LRP6: variants seen among roughly 807,000 people sequenced by gnomAD.
LRP6 encodes low-density lipoprotein receptor-related protein 6.
A neutral mutation model predicts 184.1 loss-of-function variants in LRP6; 43 were observed. The observed-to-expected ratio is 0.23, with a 90% CI of 0.18 to 0.30. The LOEUF is 0.30. Among genes scored for constraint, LRP6 ranks in the 10% least tolerant of loss-of-function variants. LRP6 has a pLI of 1.00. For synonymous variants in LRP6, 719 were observed against 684.9 expected (o/e 1.05, Z -0.78); for missense variants, 1,571 against 2,005.3 (o/e 0.78, Z 4.14).
intron 2 of LRP6, among the ~76,000 whole-genome samples, chr12:12,242,618 C>T (rs929760636): frequency 6.6e-6 from 1 of 152,202 alleles, no homozygotes; most frequent in Non-Finnish European, 1.5e-5. Flanking sequence ...TTCTCAACAA[C>T]CAAATTCTTT....
intron 15 of LRP6, among the ~76,000 whole-genome samples, chr12:12,139,727 A>G (rs1285589213): frequency 6.6e-6 from 1 of 152,148 alleles, no homozygotes; most frequent in Non-Finnish European, 1.5e-5. Flanking sequence ...CTCAGGAAAA[A>G]AAAAAGAAAG....
intron 1 of LRP6, among the ~76,000 whole-genome samples, chr12:12,249,671 AGAAGGAAGGAAG>A (rs3053796): frequency 0.15 from 20,666 of 141,364 alleles, 1,659 homozygotes; most frequent in Admixed American, 0.18. Flanking sequence ...GTGCTATAAC[AGAAGGAAGGAAG>A]GAAGGAAGGA....
intron 2 of LRP6, among the ~76,000 whole-genome samples, chr12:12,242,698 T>C (rs1254606372): frequency 2.6e-5 from 4 of 152,234 alleles, no homozygotes; most frequent in African/African-American, 9.6e-5. Context: ...TCAGAGCCAC[T>C]ACAATATTTC....
At chr12:12,230,468 A>T (rs1445262360) in intron 2 of LRP6, among the ~76,000 whole-genome samples, 2 of 152,214 alleles carry the variant, frequency 1.3e-5, no homozygotes, top group Non-Finnish European at 2.9e-5. Flanking sequence ...ATGTAATTAC[A>T]TACACAGGTG....
At chr12:12,121,707 A>C (rs1322976203) in intron 22 of LRP6, among the ~76,000 whole-genome samples, 2 of 152,144 alleles carry the variant, frequency 1.3e-5, no homozygotes, top group Non-Finnish European at 2.9e-5. Context: ...TTCAAGTTAA[A>C]CTGTATCACA....
intron 2 of LRP6, among the ~76,000 whole-genome samples, chr12:12,212,515 C>T (rs1267513004): frequency 1.3e-5 from 2 of 152,048 alleles, no homozygotes; most frequent in Admixed American, 1.3e-4. Context: ...ATAGTGCATC[C>T]CCACCGCCCC....
intron 22 of LRP6, among the ~76,000 whole-genome samples, chr12:12,124,350 G>A (rs533650920): frequency 1.3e-5 from 2 of 152,192 alleles, no homozygotes; most frequent in East Asian, 3.9e-4. Flanking sequence ...TCCAGCCTGG[G>A]CAACAAGAGC....
intron 18 of LRP6, among the ~76,000 whole-genome samples, chr12:12,131,257 G>A (rs1949752033): frequency 6.6e-6 from 1 of 152,006 alleles, no homozygotes; most frequent in Non-Finnish European, 1.5e-5. Context: ...ACAGGCGTCT[G>A]CCACCAGGCC....
At position 12,162,294 on chromosome 12, in the gene LRP6, C is replaced by G; in HGVS notation, c.2178G>C (p.Thr726=). 1 of 1,614,168 alleles carries G rather than the reference C, an allele frequency of 6.2e-7. No individual in the cohort carries two copies. Among genetic ancestry groups the G allele is most frequent in the Non-Finnish European group, 8.5e-7 (1 of 1,180,024 alleles). The change falls in exon 10 of 23, where the codon ACG becomes ACC. Residue 726 remains threonine (T), a synonymous_variant. Transcript: ENST00000261349. ...GKNLYWADTG[T]NRIEVSKLDG... ...CCAACTTTGACACCTCAATTCGATT[C>G]GTTCCTGTGTCTGCCCAGTACAAGT...
chr12:12,221,240 G>T (rs758216835), intron 2 of LRP6, among the ~76,000 whole-genome samples: 1 of 152,152 alleles, frequency 6.6e-6, no homozygotes, highest in Non-Finnish European at 1.5e-5. Flanking sequence ...TTAAACTTTT[G>T]TATTTATATC....
intron 8 of LRP6, among the ~76,000 whole-genome samples, 186 bp from the exon 9 acceptor site, chr12:12,164,748 T>C (rs1028159478): frequency 2.0e-5 from 3 of 151,796 alleles, no homozygotes; most frequent in African/African-American, 7.2e-5. Flanking sequence ...AGTAAAAGCA[T>C]GGTGAAGTAT....
chr12:12,223,206 A>G (rs1297378306), intron 2 of LRP6, among the ~76,000 whole-genome samples: 1 of 151,676 alleles, frequency 6.6e-6, no homozygotes, highest in Non-Finnish European at 1.5e-5. Context: ...CCAGGACCTA[A>G]GACCTGAATT....
At chr12:12,129,594 C>T (rs1343591417) in intron 19 of LRP6, among the ~76,000 whole-genome samples, 1 of 152,016 alleles carries the variant, frequency 6.6e-6, no homozygotes, top group Non-Finnish European at 1.5e-5. Context: ...GCCCTGTCGC[C>T]CAGGTTGGAG....
intron 1 of LRP6, among the ~76,000 whole-genome samples, chr12:12,258,010 A>G (rs1254826290): frequency 6.6e-6 from 1 of 151,914 alleles, no homozygotes; most frequent in Non-Finnish European, 1.5e-5. Flanking sequence ...CAATAGTTAT[A>G]TCCTAAAACC....
At position 12,119,990 on chromosome 12, in the gene LRP6, A is replaced by AACAT. The variant is rs1949576016; in HGVS notation, c.*1135_*1136insATGT. On this transcript the variant is annotated 3_prime_UTR_variant, in exon 23 of 23. Coordinates refer to ENST00000261349, the MANE Select transcript of LRP6 (RefSeq NM_002336.3). ...ACTCAGAAAACAAACAAACAAACAA[A>AACAT]ATATATATATATATATATATATATA... The AACAT allele has an allele frequency of 2.2e-5, 1 of 45,514 alleles. No homozygotes were observed. The highest frequency in any genetic ancestry group is 9.5e-5 in the African/African-American group (1 of 10,534). 2.8% of individuals were successfully genotyped at this position (45,514 alleles called of 1,614,324 possible).
intron 2 of LRP6, among the ~76,000 whole-genome samples, chr12:12,226,423 AG>A (rs1247795165): frequency 6.6e-6 from 1 of 152,254 alleles, no homozygotes; most frequent in Non-Finnish European, 1.5e-5. Context: ...TCATATGCTA[AG>A]GATGCTAACG....
At chr12:12,164,659 A>C in intron 8 of LRP6, 97 bp from the exon 9 acceptor site, 1 of 1,159,162 alleles carries the variant, frequency 8.6e-7, no homozygotes, top group Non-Finnish European at 1.3e-6. Flanking sequence ...TGGTTCACAA[A>C]TGCCTATGAT....
intron 1 of LRP6, among the ~76,000 whole-genome samples, chr12:12,259,864 A>C (rs1241778002): frequency 1.3e-5 from 2 of 152,178 alleles, no homozygotes; most frequent in African/African-American, 2.4e-5. Context: ...GAAAACATGC[A>C]ATGCAGAAAC....
intron 1 of LRP6, among the ~76,000 whole-genome samples, chr12:12,252,291 G>GATGC (rs1472068615): frequency 6.6e-6 from 1 of 151,982 alleles, no homozygotes; most frequent in African/African-American, 2.4e-5. Context: ...CCTCCTAAAT[G>GATGC]ATGCCTTTTG....
Sources: allele counts gnomAD v4.1 joint callset (sites outside exome capture counted in the v4.1 genomes callset), GRCh38; gene constraint gnomAD v4.1.1; transcripts MANE v1.5; gene names NCBI Gene and HGNC (gene_info 2026-07-23, HGNC 2026-07-21).